The following CENPC variants were observed in gnomAD, a reference collection of about 807,000 sequenced individuals.
CENPC encodes centromere protein C.
In CENPC, 63 loss-of-function variants were observed where a neutral mutation model predicts 112.1. The ratio of observed to expected loss-of-function variants is 0.56; its 90% CI spans 0.46 to 0.69. The LOEUF (loss-of-function observed/expected upper bound fraction) is 0.69, where lower values mean the gene tolerates loss of function less well. Ranked by LOEUF, CENPC falls within the 30% of genes least tolerant of loss-of-function variation. CENPC has a pLI of 0.00. For synonymous variants in CENPC, 333 were observed against 367.6 expected (o/e 0.91, Z 1.08); for missense variants, 1,000 against 1,103.8 (o/e 0.91, Z 1.33).
intron 5 of CENPC, among the ~76,000 whole-genome samples, chr4:67,530,425 CTTT>C (rs201951277): frequency 6.9e-6 from 1 of 144,580 alleles, no homozygotes. Flanking sequence ...AACACACATG[CTTT>C]TTTTTTTTTC....
At chr4:67,516,829 G>T (rs1378071247) in intron 7 of CENPC, among the ~76,000 whole-genome samples, 3 of 151,942 alleles carry the variant, frequency 2.0e-5, no homozygotes, top group African/African-American at 4.9e-5. Flanking sequence ...CTAAGATTTG[G>T]TCACAAGGAA....
chr4:67,540,655 G>A (rs759871225), intron 3 of CENPC, among the ~76,000 whole-genome samples: 7 of 152,112 alleles, frequency 4.6e-5, no homozygotes, highest in African/African-American at 9.7e-5. Context: ...GGGTGACACC[G>A]CAGGACTATG....
rs972236795 is a variant in CENPC at position 67,519,110 on chromosome 4, T to C, written c.617+107A>G. 1.4e-5 allele frequency: 11 copies of C among 778,278 alleles called. No homozygotes were observed. In the East Asian group the frequency reaches 2.2e-4, roughly 16 times the overall value. The allele number at this position is 778,278 out of a possible 1,614,324, so 48.2% of individuals were successfully genotyped here. The stretch of plus-strand genomic sequence containing the variant: ...TATACTTTCTCATAACATGTTAATA[T>C]TCCTCCTTCCTTAGTGTAAAATAAT... On this transcript the variant is annotated intron_variant, in intron 6 of 18. Transcript: ENST00000273853.
At chr4:67,511,103 T>C (rs1362040422) in intron 9 of CENPC, 5 of 454,802 alleles carry the variant, frequency 1.1e-5, no homozygotes, top group Non-Finnish European at 2.2e-5. Context: ...CCACCTACTA[T>C]GCTAATTGCA....
chr4:67,540,090 A>G (rs1224548001), intron 3 of CENPC, among the ~76,000 whole-genome samples, 156 bp from the exon 4 acceptor site: 1 of 152,176 alleles, frequency 6.6e-6, no homozygotes, highest in Non-Finnish European at 1.5e-5. Flanking sequence ...TAATATTCAA[A>G]TGTTCCTGAG....
Position 67,471,646 on chromosome 4 carries a change from G to C in CENPC, c.*959C>G, listed in dbSNP as rs897530562. On this transcript the variant is annotated 3_prime_UTR_variant, in exon 19 of 19. Coordinates refer to ENST00000273853, the MANE Select transcript of CENPC (RefSeq NM_001812.4). ...TCTTCCTAAGTCCTACACCAGAGTT[G>C]CTTTAAATGTGTGTATTTAATGGTT... 6.6e-6 allele frequency: 1 copy of C among 152,160 alleles called. No individual in the cohort carries two copies. The highest frequency in any genetic ancestry group is 1.5e-5 in the Non-Finnish European group (1 of 68,032). The allele number at this position is 152,160 out of a possible 1,614,324, so 9.4% of individuals were successfully genotyped here. A position where few individuals can be genotyped will look rare whatever the true frequency, so the allele number is the denominator to read the frequency against.
chr4:67,496,286 C>A (rs370603424), intron 12 of CENPC, among the ~76,000 whole-genome samples: 18 of 152,310 alleles, frequency 1.2e-4, no homozygotes, highest in Admixed American at 6.5e-4. Context: ...CCAGCCCCAG[C>A]AGCTTGCATT....
rs746090519 is a variant in CENPC, at chr4:67,519,470, C to A, written c.364G>T (p.Ala122Ser). The change falls in exon 6 of 19, where the codon GCA becomes TCA. Residue 122 changes from alanine (A) to serine (S), a missense_variant. Ala to Ser is a moderately conservative substitution (Grantham distance 99). Transcript: ENST00000273853. ...QAHEVHQKIL[A>S]TDVSSKNTPD... Reference sequence around the variant, plus strand: ...GTATTTTTGGAACTAACATCAGTTGCCAGAATTTTCTGATGAACTTCATGG... The same window carrying A: ...GTATTTTTGGAACTAACATCAGTTGACAGAATTTTCTGATGAACTTCATGG... 3 of 1,589,088 alleles carry A rather than the reference C, an allele frequency of 1.9e-6. No individual in the cohort carries two copies. The East Asian group carries it at 6.8e-5, about 36-fold the overall frequency.
At chr4:67,526,521 T>C (rs998854740) in intron 5 of CENPC, among the ~76,000 whole-genome samples, 1 of 151,982 alleles carries the variant, frequency 6.6e-6, no homozygotes, top group Non-Finnish European at 1.5e-5. Context: ...TATTGCTATT[T>C]AAAAGTTCTT....
At chr4:67,505,178 C>G in intron 12 of CENPC, 27 bp downstream of exon 12, 1 of 1,482,254 alleles carries the variant, frequency 6.7e-7, no homozygotes, top group Non-Finnish European at 9.2e-7. Context: ...CCATAAAAAT[C>G]AAGACAGAAA....
chr4:67,481,561 T>C (rs952007486), intron 17 of CENPC, among the ~76,000 whole-genome samples: 7 of 152,136 alleles, frequency 4.6e-5, no homozygotes, highest in African/African-American at 1.4e-4. Context: ...CATAGGCACA[T>C]AGACCATGGA....
intron 17 of CENPC, among the ~76,000 whole-genome samples, chr4:67,481,028 T>A (rs1482472766): frequency 6.6e-6 from 1 of 152,074 alleles, no homozygotes; most frequent in Non-Finnish European, 1.5e-5. Flanking sequence ...AATGATATGA[T>A]CATATAGCTA....
At position 67,541,026 on chromosome 4, in the gene CENPC, T is replaced by C. The variant is rs1482530291; in HGVS notation, c.90A>G (p.Gln30=). The change falls in exon 3 of 19, where the codon CAA becomes CAG. Residue 30 remains glutamine, a synonymous_variant. Coordinates refer to ENST00000273853, the MANE Select transcript of CENPC (RefSeq NM_001812.4). ...GTAAGATTTCCAGAACATTCTGGCCTTGCTCTGTGTTAATGTCACGTGCCC... is the reference window on the plus strand; with the variant it reads ...GTAAGATTTCCAGAACATTCTGGCCCTGCTCTGTGTTAATGTCACGTGCCC... ...PSRARDINTE[Q]GQNVLEILQD... is the part of the protein sequence containing the mutation. 6.2e-7 allele frequency: 1 copy of C among 1,609,940 alleles called. No individual in the cohort carries two copies. The highest frequency in any genetic ancestry group is 8.5e-7 in the Non-Finnish European group (1 of 1,178,004).
intron 18 of CENPC, among the ~76,000 whole-genome samples, chr4:67,473,475 T>C (rs916848858): frequency 1.3e-5 from 2 of 152,188 alleles, no homozygotes; most frequent in African/African-American, 2.4e-5. Flanking sequence ...GTAAGCTCTA[T>C]AAAAGCAGGG....
chr4:67,469,989 T>C lies in CENPC; in HGVS notation c.*2616A>G, dbSNP rs1360928965. ...TCTAATGTGGTAGCCACCAGTACCA[T>C]GTGCTACTAAGCACTTGAAATGTGG... On this transcript the variant is annotated 3_prime_UTR_variant, in exon 19 of 19. Transcript: ENST00000273853. 1 of 152,250 alleles carries C rather than the reference T, an allele frequency of 6.6e-6. No homozygotes were observed. Among genetic ancestry groups the C allele is most frequent in the Admixed American group, 6.5e-5 (1 of 15,288 alleles). 9.4% of individuals were successfully genotyped at this position (152,250 alleles called of 1,614,324 possible). A position where few individuals can be genotyped will look rare whatever the true frequency, so the allele number is the denominator to read the frequency against.
At chr4:67,497,772 A>G (rs1385255914) in intron 12 of CENPC, among the ~76,000 whole-genome samples, 1 of 141,668 alleles carries the variant, frequency 7.1e-6, no homozygotes, top group Non-Finnish European at 1.5e-5. Flanking sequence ...GGCTCAAGTG[A>G]CCGGCCTCGC....
intron 16 of CENPC, among the ~76,000 whole-genome samples, chr4:67,491,480 T>TATAGAGAG (rs1725270093): frequency 2.8e-4 from 5 of 18,102 alleles, no homozygotes; most frequent in Non-Finnish European, 4.2e-4. Context: ...TATATATATA[T>TATAGAGAG]AGAGAGAGAG....
chr4:67,534,709 C>A (rs886294686), intron 4 of CENPC, among the ~76,000 whole-genome samples: 2 of 152,092 alleles, frequency 1.3e-5, no homozygotes, highest in Admixed American at 1.3e-4. Flanking sequence ...ATATTAACAC[C>A]AGGATACCAA....
chr4:67,530,028 GAAAAC>G (rs1726498940), intron 5 of CENPC, among the ~76,000 whole-genome samples: 1 of 151,888 alleles, frequency 6.6e-6, no homozygotes, highest in Non-Finnish European at 1.5e-5. Flanking sequence ...CCAACTGGAA[GAAAAC>G]AAACTTAGAA....
Sources: allele counts gnomAD v4.1 joint callset (sites outside exome capture counted in the v4.1 genomes callset), GRCh38; gene constraint gnomAD v4.1.1; transcripts MANE v1.5; gene names NCBI Gene and HGNC (gene_info 2026-07-23, HGNC 2026-07-21).